The following CDH13 variants were observed in gnomAD, a reference collection of about 807,000 sequenced individuals.
CDH13 encodes cadherin-13.
Under a neutral mutation model 63.8 loss-of-function variants are expected in CDH13, and 24 were observed. That is an observed-to-expected ratio of 0.38 (90% CI 0.27 to 0.53). The LOEUF (loss-of-function observed/expected upper bound fraction) is 0.53. CDH13 is among the 20% of genes least tolerant of loss of function. CDH13 has a pLI of 0.85. For synonymous variants in CDH13, 503 were observed against 355.3 expected, an observed-to-expected ratio of 1.42 and a Z score of -4.67; for missense variants, 1,049 against 903.1, an observed-to-expected ratio of 1.16 and a Z score of -2.07.
chr16:82,892,629 A>G (rs193251985), intron 2 of CDH13, among the ~76,000 whole-genome samples: 53 of 152,354 alleles, frequency 3.5e-4, no homozygotes, highest in African/African-American at 1.2e-3. Context: ...AGAGTTTGGG[A>G]TGGATCTAAG....
At chr16:83,624,058 C>T (rs1297686698) in intron 8 of CDH13, among the ~76,000 whole-genome samples, 2 of 152,152 alleles carry the variant, frequency 1.3e-5, no homozygotes, top group Non-Finnish European at 2.9e-5. Context: ...GGTGCAGCTG[C>T]GTCTAAGCCC....
At chr16:82,757,043 A>G (rs976090445) in intron 1 of CDH13, among the ~76,000 whole-genome samples, 10 of 152,164 alleles carry the variant, frequency 6.6e-5, no homozygotes, top group Middle Eastern at 6.8e-3. Flanking sequence ...CTTGCCCATC[A>G]GGATCCATGG....
At chr16:83,080,628 C>G (rs960113872) in intron 3 of CDH13, among the ~76,000 whole-genome samples, 1 of 152,052 alleles carries the variant, frequency 6.6e-6, no homozygotes, top group Non-Finnish European at 1.5e-5. Context: ...GTCCACAGCT[C>G]CTGTATTAGC....
intron 1 of CDH13, among the ~76,000 whole-genome samples, chr16:82,756,034 C>G (rs749663046): frequency 3.3e-5 from 5 of 152,092 alleles, no homozygotes; most frequent in Non-Finnish European, 5.9e-5. Flanking sequence ...GGCTGGGAAG[C>G]AATAAAGCAA....
At chr16:83,301,350 G>A (rs1186459315) in intron 5 of CDH13, among the ~76,000 whole-genome samples, 2 of 152,026 alleles carry the variant, frequency 1.3e-5, no homozygotes, top group African/African-American at 2.4e-5. Flanking sequence ...TTTCAGAACC[G>A]TTTATTTCCC....
intron 5 of CDH13, among the ~76,000 whole-genome samples, chr16:83,306,105 A>T (rs1444176942): frequency 1.3e-5 from 2 of 152,210 alleles, no homozygotes; most frequent in African/African-American, 4.8e-5. Flanking sequence ...TGTAATAACC[A>T]AAAATGTCTC....
chr16:83,535,583 T>C (rs1312375738), intron 7 of CDH13, among the ~76,000 whole-genome samples: 1 of 152,164 alleles, frequency 6.6e-6, no homozygotes, highest in African/African-American at 2.4e-5. Context: ...ATTCCACAAG[T>C]GCGTATTGAG....
chr16:83,065,634 G>A (rs999816485), intron 3 of CDH13, among the ~76,000 whole-genome samples: 6 of 151,668 alleles, frequency 4.0e-5, no homozygotes, highest in African/African-American at 1.5e-4. Context: ...AAGCCCAGGG[G>A]GCAGAGGTTG....
intron 1 of CDH13, among the ~76,000 whole-genome samples, chr16:82,748,232 C>T (rs974848619): frequency 3.3e-5 from 5 of 152,192 alleles, no homozygotes; most frequent in African/African-American, 1.2e-4. Flanking sequence ...AGGCTGGATC[C>T]ACAAACCCCA....
At chr16:82,930,701 AATG>A (rs1258912792) in intron 2 of CDH13, among the ~76,000 whole-genome samples, 3 of 152,174 alleles carry the variant, frequency 2.0e-5, no homozygotes, top group African/African-American at 7.2e-5. Context: ...CCCTCAGATA[AATG>A]ATATTAAACT....
At chr16:82,861,945 G>A (rs1350856527) in intron 2 of CDH13, among the ~76,000 whole-genome samples, 1 of 152,182 alleles carries the variant, frequency 6.6e-6, no homozygotes, top group Non-Finnish European at 1.5e-5. Flanking sequence ...AGTCTTGAAA[G>A]TTTATCTGGG....
In CDH13 at chr16:82,739,536, T is replaced by G. The variant is rs144386309; in HGVS notation, c.45+112399T>G. Among the ~76,000 whole-genome samples, 921 of 152,306 alleles carry G rather than the reference T, an allele frequency of 6.0e-3. 6 individuals carry two copies. Among genetic ancestry groups the G allele is most frequent in the African/African-American group, 0.021 (882 of 41,560 alleles). ...AAGAATCATTTAAACCTACTTACTC[T>G]CCCTGTTTAAGCAATGAGGAGGATT... On this transcript the variant is annotated intron_variant, in intron 1 of 13. Transcript: ENST00000567109.
chr16:82,651,052 T>C (rs1910665008), intron 1 of CDH13, among the ~76,000 whole-genome samples: 1 of 152,168 alleles, frequency 6.6e-6, no homozygotes, highest in South Asian at 2.1e-4. Flanking sequence ...TTAGACTGCT[T>C]CCTTTTCTGG....
At chr16:83,254,832 T>C (rs1245077060) in intron 5 of CDH13, among the ~76,000 whole-genome samples, 1 of 152,184 alleles carries the variant, frequency 6.6e-6, no homozygotes, top group African/African-American at 2.4e-5. Context: ...CCAAGCCTAA[T>C]AAGATCAATT....
chr16:83,605,070 T>C (rs1908199421), intron 8 of CDH13, among the ~76,000 whole-genome samples: 1 of 152,088 alleles, frequency 6.6e-6, no homozygotes, highest in Non-Finnish European at 1.5e-5. Flanking sequence ...TCTTAAAAAA[T>C]AAATTTTGAA....
At chr16:82,761,248 C>T (rs963613641) in intron 1 of CDH13, among the ~76,000 whole-genome samples, 4 of 151,810 alleles carry the variant, frequency 2.6e-5, no homozygotes, top group Non-Finnish European at 5.9e-5. Flanking sequence ...GAACTCCTGA[C>T]CTCAGGTGAT....
chr16:83,500,998 C>G (rs1251768755), intron 7 of CDH13, among the ~76,000 whole-genome samples: 1 of 152,122 alleles, frequency 6.6e-6, no homozygotes, highest in Non-Finnish European at 1.5e-5. Flanking sequence ...CAAATGTTTT[C>G]AAAGGTGTAT....
intron 5 of CDH13, among the ~76,000 whole-genome samples, chr16:83,308,604 C>G (rs1279173670): frequency 2.0e-5 from 3 of 152,214 alleles, no homozygotes. Context: ...AACATTAGTG[C>G]TGAGCCTGGG....
chr16:82,765,976 A>G (rs1325746249), intron 1 of CDH13, among the ~76,000 whole-genome samples: 3 of 152,240 alleles, frequency 2.0e-5, no homozygotes, highest in Non-Finnish European at 4.4e-5. Context: ...ATGCACGTCT[A>G]TGCTACCCCA....
Sources: gnomAD v4.1 joint callset for allele counts (sites outside exome capture counted in the v4.1 genomes callset) on GRCh38, gnomAD v4.1.1 for gene constraint, MANE v1.5 for transcripts, NCBI Gene and HGNC (gene_info 2026-07-23, HGNC 2026-07-21) for gene names.